GNAQ: variants seen among roughly 807,000 people sequenced by gnomAD.
GNAQ encodes the protein guanine nucleotide-binding protein G(q) subunit alpha.
In GNAQ, 8 loss-of-function variants were observed where a neutral mutation model predicts 43.9. The observed-to-expected ratio is 0.18, with a 90% CI of 0.11 to 0.33. GNAQ has a LOEUF of 0.33. Among genes scored for constraint, GNAQ ranks in the 10% least tolerant of loss-of-function variants. The probability of loss-of-function intolerance (pLI) is 1.00; values close to 1 mark genes in which losing one functional copy is unlikely to be tolerated. For synonymous variants in GNAQ, 155 were observed against 170.7 expected (o/e 0.91, Z 0.71); for missense variants, 158 against 450.8 (o/e 0.35, Z 5.88).
At chr9:78,025,573 G>A (rs1823967483) in intron 1 of GNAQ, among the ~76,000 whole-genome samples, 1 of 152,116 alleles carries the variant, frequency 6.6e-6, no homozygotes, top group Non-Finnish European at 1.5e-5. Flanking sequence ...GTTCCAACCA[G>A]GAAATTTGAC....
chr9:77,995,322 T>TAC (rs1422540565), intron 1 of GNAQ, among the ~76,000 whole-genome samples: 1 of 152,184 alleles, frequency 6.6e-6, no homozygotes, highest in African/African-American at 2.4e-5. Flanking sequence ...TGTCTTACAC[T>TAC]ACTTCTCTTA....
intron 5 of GNAQ, among the ~76,000 whole-genome samples, chr9:77,765,264 A>C (rs572794467): frequency 2.0e-5 from 3 of 152,354 alleles, no homozygotes; most frequent in East Asian, 3.9e-4. Context: ...CTATCTTCTT[A>C]TTAAGACTGA....
At chr9:77,736,416 T>G (rs1481543304) in intron 5 of GNAQ, among the ~76,000 whole-genome samples, 2 of 152,210 alleles carry the variant, frequency 1.3e-5, no homozygotes. Flanking sequence ...CAAACTCAGC[T>G]GAATAGATAT....
chr9:77,938,807 GAT>G (rs778997299), intron 1 of GNAQ, among the ~76,000 whole-genome samples: 7 of 152,210 alleles, frequency 4.6e-5, no homozygotes, highest in African/African-American at 7.2e-5. Flanking sequence ...CTAGAAGCGC[GAT>G]TCTGGAAAGC....
chr9:77,745,926 GAAGA>G (rs1295829376), intron 5 of GNAQ, among the ~76,000 whole-genome samples: 2 of 151,954 alleles, frequency 1.3e-5, no homozygotes, highest in African/African-American at 4.8e-5. Flanking sequence ...GGTGGAAGAA[GAAGA>G]AAGAATACCT....
rs1486367691 is a variant in GNAQ at position 77,976,851 on chromosome 9, T to G, written c.136+54249A>C. ...ACCTGCTCTCCATACATGGCAACAT[T>G]CAAAGCTGAACAACAGCTTCAATGA... On this transcript the variant is annotated intron_variant, in intron 1 of 6. Coordinates refer to ENST00000286548, the MANE Select transcript of GNAQ (RefSeq NM_002072.5). 4.6e-5 allele frequency among the ~76,000 whole-genome samples: 7 copies of G among 152,182 alleles called. No homozygotes were observed. In the East Asian group the frequency reaches 9.6e-4, roughly 21 times the overall value.
intron 1 of GNAQ, among the ~76,000 whole-genome samples, chr9:77,992,850 A>G (rs1188600948): frequency 2.6e-5 from 4 of 151,958 alleles, no homozygotes; most frequent in Admixed American, 2.6e-4. Context: ...GAGGCTGAGG[A>G]AGAAGAATTG....
intron 5 of GNAQ, among the ~76,000 whole-genome samples, chr9:77,761,326 G>GA (rs1455313363): frequency 2.7e-4 from 37 of 137,078 alleles, no homozygotes; most frequent in African/African-American, 7.1e-4. Flanking sequence ...GGGAGGTGGG[G>GA]GGTCAGCCCC....
rs1229007763 is a variant in GNAQ at position 77,854,344 on chromosome 9, T to C, written c.322-38574A>G. ...ACCCCTACTTACTGTTTAGGAATTA[T>C]AGGTCACATCAATTTCAAAATCAAA... On this transcript the variant is annotated intron_variant, in intron 2 of 6. Coordinates refer to ENST00000286548, the MANE Select transcript of GNAQ (RefSeq NM_002072.5). 3.3e-5 allele frequency among the ~76,000 whole-genome samples: 5 copies of C among 152,330 alleles called. No individual in the cohort carries two copies. In the South Asian group the frequency reaches 8.3e-4, roughly 25 times the overall value.
chr9:77,996,677 C>CAAAAAAAACA, intron 1 of GNAQ, among the ~76,000 whole-genome samples: 1 of 105,592 alleles, frequency 9.5e-6, no homozygotes, highest in Non-Finnish European at 1.9e-5. Flanking sequence ...GACTCCATCT[C>CAAAAAAAACA]AAAAAAAAAA....
intron 2 of GNAQ, among the ~76,000 whole-genome samples, chr9:77,918,215 C>A (rs536877064): frequency 2.4e-3 from 371 of 152,232 alleles, no homozygotes; most frequent in Non-Finnish European, 4.0e-3. Context: ...TTATAAAATA[C>A]AGGAGCTCAA....
intron 2 of GNAQ, among the ~76,000 whole-genome samples, chr9:77,839,652 G>C (rs1038595506): frequency 6.6e-6 from 1 of 152,238 alleles, no homozygotes; most frequent in African/African-American, 2.4e-5. Context: ...GCCATAACTT[G>C]AACGAGGCTC....
intron 1 of GNAQ, among the ~76,000 whole-genome samples, chr9:77,939,607 G>GA (rs1217115175): frequency 1.3e-5 from 2 of 151,598 alleles, no homozygotes; most frequent in South Asian, 2.1e-4. Context: ...AGAAAGCAAA[G>GA]AAAAAAACAG....
chr9:78,007,455 G>T (rs1436478769), intron 1 of GNAQ, among the ~76,000 whole-genome samples: 2 of 151,140 alleles, frequency 1.3e-5, no homozygotes, highest in Non-Finnish European at 2.9e-5. Flanking sequence ...AAAAAAAATC[G>T]AACAGCCTCT....
intron 1 of GNAQ, among the ~76,000 whole-genome samples, chr9:78,020,462 A>G (rs1325557276): frequency 6.6e-6 from 1 of 152,192 alleles, no homozygotes; most frequent in Non-Finnish European, 1.5e-5. Flanking sequence ...GAATGAGTAC[A>G]TGCAACACAA....
chr9:77,784,704 T>C (rs72734800), intron 5 of GNAQ, among the ~76,000 whole-genome samples: 9 of 152,286 alleles, frequency 5.9e-5, no homozygotes, highest in East Asian at 1.9e-4. Context: ...CAGAAGTTAT[T>C]TGAAAACAGT....
rs183546932 is a variant in GNAQ, at chr9:77,901,648, T to C, written c.321+20513A>G. The stretch of plus-strand genomic sequence containing the variant: ...GCAGAGAACCTTACTCTCCTCTGCA[T>C]TCCTCACACAGCTACCCTAGAAATC... On this transcript the variant is annotated intron_variant, in intron 2 of 6. Transcript: ENST00000286548. 1.2e-4 allele frequency among the ~76,000 whole-genome samples: 19 copies of C among 152,338 alleles called. No homozygotes were observed. In the East Asian group the frequency reaches 3.5e-3, roughly 28 times the overall value.
At chr9:77,791,687 A>G (rs1826576959) in intron 5 of GNAQ, among the ~76,000 whole-genome samples, 1 of 152,240 alleles carries the variant, frequency 6.6e-6, no homozygotes, top group Non-Finnish European at 1.5e-5. Context: ...ATTAAAAAGC[A>G]AAAGCAATAA....
At chr9:77,880,294 C>G (rs2118061941) in intron 2 of GNAQ, among the ~76,000 whole-genome samples, 1 of 152,164 alleles carries the variant, frequency 6.6e-6, no homozygotes, top group South Asian at 2.1e-4. Flanking sequence ...GTTTATAGTT[C>G]CACTCTCCAG....
Sources: allele counts gnomAD v4.1 joint callset (sites outside exome capture counted in the v4.1 genomes callset), GRCh38; gene constraint gnomAD v4.1.1; transcripts MANE v1.5; gene names NCBI Gene and HGNC (gene_info 2026-07-23, HGNC 2026-07-21).